DMD: variants seen among roughly 807,000 people sequenced by gnomAD.
DMD encodes mutant dystrophin.
In DMD, 63 loss-of-function variants were observed where a neutral mutation model predicts 330.1. The observed-to-expected ratio is 0.19, with a 90% CI of 0.16 to 0.24. The LOEUF (loss-of-function observed/expected upper bound fraction) is 0.24, where lower values mean the gene tolerates loss of function less well. Ranked by LOEUF, DMD falls within the 10% of genes least tolerant of loss-of-function variation. The pLI, the probability that DMD is intolerant of heterozygous loss-of-function variation, is 1.00. For synonymous variants in DMD, 1,223 were observed against 959.8 expected (o/e 1.27, Z -5.07); for missense variants, 3,344 against 2,684.1 (o/e 1.25, Z -5.43).
At chrX:32,113,885 A>G (rs758954844) in intron 44 of DMD, among the ~76,000 whole-genome samples, 59 of 111,654 alleles carry the variant, frequency 5.3e-4, no homozygotes, top group Non-Finnish European at 9.6e-4. Flanking sequence ...CCTTTCCTAA[A>G]TCCAAATAAA....
At chrX:31,559,438 C>T (rs1473631968) in intron 55 of DMD, among the ~76,000 whole-genome samples, 2 of 75,767 alleles carry the variant, frequency 2.6e-5, no homozygotes, top group East Asian at 4.5e-4. Flanking sequence ...GTCAGGAGAT[C>T]GAGACCATCC....
At chrX:31,369,047 A>C (rs1490537380) in intron 60 of DMD, among the ~76,000 whole-genome samples, 9 of 111,930 alleles carry the variant, frequency 8.0e-5, no homozygotes, top group African/African-American at 2.9e-4. Context: ...GGAGAAGGCA[A>C]ATGTGAATAC....
At chrX:32,448,775 C>A (rs1484529014) in intron 26 of DMD, 137 bp from the exon 27 acceptor site, 1 of 523,541 alleles carries the variant, frequency 1.9e-6, no homozygotes, top group Non-Finnish European at 3.0e-6. Context: ...AATATGAACT[C>A]CAGTCTCTTC....
At chrX:32,408,481 G>A (rs1603632817) in intron 30 of DMD, among the ~76,000 whole-genome samples, 1 of 111,705 alleles carries the variant, frequency 9.0e-6, no homozygotes, top group African/African-American at 3.3e-5. Context: ...TTTCCTTAGT[G>A]CCATAGCTTT....
intron 1 of DMD, among the ~76,000 whole-genome samples, chrX:33,102,316 GTTTTT>G (rs3083153): frequency 2.1e-5 from 2 of 95,845 alleles, no homozygotes; most frequent in Non-Finnish European, 4.1e-5. Flanking sequence ...GGTTTTTTTT[GTTTTT>G]TTTTTTTTTT....
intron 13 of DMD, among the ~76,000 whole-genome samples, chrX:32,582,606 C>T (rs1275480272): frequency 9.0e-6 from 1 of 111,231 alleles, no homozygotes; most frequent in Admixed American, 9.6e-5. Flanking sequence ...TTTTTGGGGG[C>T]AGGGTTCACA....
chrX:31,685,337 C>A (rs998829745), intron 52 of DMD, among the ~76,000 whole-genome samples: 1 of 111,627 alleles, frequency 9.0e-6, no homozygotes, highest in Non-Finnish European at 1.9e-5. Context: ...AGGGTGGCCA[C>A]GCCTGGTTAC....
At chrX:31,195,712 AG>A (rs1266639311) in intron 67 of DMD, among the ~76,000 whole-genome samples, 9 of 103,254 alleles carry the variant, frequency 8.7e-5, no homozygotes, top group African/African-American at 2.1e-4. Context: ...AAAGGAAGGA[AG>A]GAGGGAAGGA....
At chrX:32,895,461 G>A (rs2085621944) in intron 2 of DMD, among the ~76,000 whole-genome samples, 1 of 111,676 alleles carries the variant, frequency 9.0e-6, no homozygotes, top group African/African-American at 3.3e-5. Flanking sequence ...ATCTTCCTTC[G>A]TGTAGGAGTG....
In DMD at chrX:33,168,420, A is replaced by T. The variant is rs931306443; in HGVS notation, c.31+42862T>A. Among the ~76,000 whole-genome samples, 16 of 109,789 alleles carry T rather than the reference A, an allele frequency of 1.5e-4. No individual in the cohort carries two copies. In the South Asian group the frequency reaches 1.5e-3, roughly 10 times the overall value. ...TTTGTTGACCTTTGAATTATTAGCC[A>T]TACTCTGAAAGTTGTTTTTGAAATT... On this transcript the variant is annotated intron_variant, in intron 1 of 78. Coordinates refer to ENST00000357033, the MANE Select transcript of DMD (RefSeq NM_004006.3).
At chrX:31,863,934 T>A in intron 48 of DMD, among the ~76,000 whole-genome samples, 1 of 111,019 alleles carries the variant, frequency 9.0e-6, no homozygotes, top group Non-Finnish European at 1.9e-5. Context: ...AGGAATAATA[T>A]AAAACTTCTA....
At chrX:32,719,232 A>G (rs746976316) in intron 7 of DMD, among the ~76,000 whole-genome samples, 23 of 112,206 alleles carry the variant, frequency 2.0e-4, no homozygotes, top group Admixed American at 8.6e-4. Context: ...AATAATTAAT[A>G]TAAGATAGAC....
chrX:31,477,675 C>T (rs1162626424), intron 59 of DMD, among the ~76,000 whole-genome samples: 1 of 110,239 alleles, frequency 9.1e-6, no homozygotes, highest in Non-Finnish European at 1.9e-5. Context: ...TTCACCAAAC[C>T]ATAACTTACC....
At chrX:31,268,773 A>G (rs1362511595) in intron 62 of DMD, among the ~76,000 whole-genome samples, 1 of 112,270 alleles carries the variant, frequency 8.9e-6, no homozygotes, top group African/African-American at 3.2e-5. Context: ...ACATTTGTAA[A>G]TATTACAAAT....
rs1238615613 is a variant in DMD, at chrX:33,000,506, G to A, written c.93+19633C>T. ...GGGTTCTGACCCATGGGATGTTGGT[G>A]GAGGTGACAAAAGTCCCTTCCTGAC... On this transcript the variant is annotated intron_variant, in intron 2 of 78. Coordinates refer to ENST00000357033, the MANE Select transcript of DMD (RefSeq NM_004006.3). Among the ~76,000 whole-genome samples the A allele has an allele frequency of 2.7e-5, 3 of 111,828 alleles. No individual in the cohort carries two copies. The Admixed American group carries it at 2.9e-4, about 11-fold the overall frequency.
At chrX:31,370,312 C>G (rs1277615488) in intron 60 of DMD, among the ~76,000 whole-genome samples, 1 of 111,377 alleles carries the variant, frequency 9.0e-6, no homozygotes, top group Non-Finnish European at 1.9e-5. Flanking sequence ...GGACTAGTAT[C>G]TGATACAGAA....
chrX:31,394,646 T>A (rs1370928341), intron 60 of DMD, among the ~76,000 whole-genome samples: 1 of 109,750 alleles, frequency 9.1e-6, no homozygotes. Context: ...ATACAAAAAT[T>A]AGCTGGGTGT....
chrX:32,179,869 C>A (rs183642793), intron 44 of DMD, among the ~76,000 whole-genome samples: 3 of 111,735 alleles, frequency 2.7e-5, no homozygotes, highest in East Asian at 5.7e-4. Context: ...ACCATGTAAG[C>A]CATGCCTTTG....
At chrX:32,406,593 G>A (rs1358043408) in intron 30 of DMD, among the ~76,000 whole-genome samples, 3 of 111,208 alleles carry the variant, frequency 2.7e-5, no homozygotes, top group Non-Finnish European at 3.8e-5. Flanking sequence ...TTGCATCCCA[G>A]GGATGAAGCC....
Sources: gnomAD v4.1 joint callset for allele counts (sites outside exome capture counted in the v4.1 genomes callset) on GRCh38, gnomAD v4.1.1 for gene constraint, MANE v1.5 for transcripts, NCBI Gene and HGNC (gene_info 2026-07-23, HGNC 2026-07-21) for gene names.